The following CD226 variants were observed in gnomAD, a reference collection of about 807,000 sequenced individuals.
CD226 encodes the protein CD226 antigen.
In CD226, 24 loss-of-function variants were observed where a neutral mutation model predicts 34.9. The observed-to-expected ratio is 0.69, with a 90% confidence interval of 0.50 to 0.97. The LOEUF is 0.97. Among genes scored for constraint, CD226 ranks in the 50% least tolerant of loss-of-function variants. The pLI is 0.00. For missense variants in CD226, 397 were observed against 412.7 expected (o/e 0.96, Z 0.33); for synonymous variants, 148 against 147.4 (o/e 1.00, Z -0.03).
rs1182490699 is a variant in CD226 at position 69,861,029 on chromosome 18, A to C, written c.*3285T>G. The C allele has an allele frequency of 2.0e-5, 3 of 152,114 alleles. No homozygotes were observed. In the South Asian group the frequency reaches 6.2e-4, roughly 31 times the overall value. The allele number at this position is 152,114 out of a possible 1,614,324, so 9.4% of individuals were successfully genotyped here. On this transcript the variant is annotated 3_prime_UTR_variant, in exon 6 of 6. Transcript: ENST00000582621. ...TAGAAAACTACTGTTATACAGCTGT[A>C]ATTTTTACTTAATGCCATTCTATAC... is the stretch of plus-strand genomic sequence containing the variant.
intron 2 of CD226, among the ~76,000 whole-genome samples, chr18:69,904,895 C>T (rs17842598): frequency 0.031 from 4,734 of 152,292 alleles, 268 homozygotes; most frequent in African/African-American, 0.11. Context: ...TTAACACCAT[C>T]TCTAATGATT....
chr18:69,868,856 G>A (rs1402946670), intron 4 of CD226, among the ~76,000 whole-genome samples: 2 of 151,942 alleles, frequency 1.3e-5, no homozygotes, highest in Non-Finnish European at 2.9e-5. Context: ...AATAAGCCTG[G>A]AGCATACAAT....
Position 69,895,996 on chromosome 18 carries a change from A to G in CD226, c.432T>C (p.Pro144=). 6.2e-7 allele frequency: 1 copy of G among 1,613,482 alleles called. No homozygotes were observed. Among genetic ancestry groups the G allele is most frequent in the Non-Finnish European group, 8.5e-7 (1 of 1,179,978 alleles). ...GACAAGTGAGTGTGACATTCTTTCC[A>G]GGTTCCGAAACAATGTGGCTATTTG... ...VPSNSHIVSE[P]GKNVTLTCQP... The change falls in exon 3 of 6, where the codon CCT becomes CCC. Residue 144 remains proline, a synonymous_variant. Coordinates refer to ENST00000582621, the MANE Select transcript of CD226 (RefSeq NM_001303618.2).
chr18:69,901,655 A>G (rs368312921), intron 2 of CD226, among the ~76,000 whole-genome samples: 80 of 152,116 alleles, frequency 5.3e-4, no homozygotes, highest in Non-Finnish European at 7.5e-4. Flanking sequence ...CGAGGCAGGC[A>G]GATCACGAGG....
intron 2 of CD226, among the ~76,000 whole-genome samples, chr18:69,900,751 A>T (rs1204603931): frequency 6.6e-6 from 1 of 151,884 alleles, no homozygotes; most frequent in East Asian, 1.9e-4. Context: ...AAAAAAAAAA[A>T]AAAAATTTCT....
At chr18:69,903,312 T>A (rs561826765) in intron 2 of CD226, among the ~76,000 whole-genome samples, 2 of 152,162 alleles carry the variant, frequency 1.3e-5, no homozygotes, top group African/African-American at 2.4e-5. Context: ...GCCTCTTCCC[T>A]AGAACGCATC....
chr18:69,945,440 A>G (rs2055777345), intron 2 of CD226, among the ~76,000 whole-genome samples: 1 of 152,206 alleles, frequency 6.6e-6, no homozygotes, highest in Non-Finnish European at 1.5e-5. Context: ...GAAAGACAAA[A>G]CCACAATCTC....
intron 2 of CD226, among the ~76,000 whole-genome samples, chr18:69,898,297 C>T (rs1185592969): frequency 6.6e-6 from 1 of 152,234 alleles, no homozygotes; most frequent in Non-Finnish European, 1.5e-5. Context: ...TCAGTGCTCA[C>T]ACGCACAACT....
chr18:69,904,936 T>C (rs1400679855), intron 2 of CD226, among the ~76,000 whole-genome samples: 1 of 152,206 alleles, frequency 6.6e-6, no homozygotes, highest in African/African-American at 2.4e-5. Flanking sequence ...TTAGTGATGG[T>C]CCCTGGAGAC....
chr18:69,880,330 G>GAGAAAGAAAGAA (rs74175399), intron 3 of CD226, among the ~76,000 whole-genome samples: 1 of 134,860 alleles, frequency 7.4e-6, no homozygotes, highest in African/African-American at 2.9e-5. Flanking sequence ...AAAAGAAAGA[G>GAGAAAGAAAGAA]AGAAAGAAAG....
chr18:69,927,748 A>G (rs2055540646), intron 2 of CD226, among the ~76,000 whole-genome samples: 1 of 152,210 alleles, frequency 6.6e-6, no homozygotes, highest in Non-Finnish European at 1.5e-5. Context: ...TCCATTGTAT[A>G]TATTCTACAT....
At chr18:69,927,213 G>A (rs1451040353) in intron 2 of CD226, among the ~76,000 whole-genome samples, 7 of 152,154 alleles carry the variant, frequency 4.6e-5, no homozygotes, top group African/African-American at 1.7e-4. Flanking sequence ...CGTCTTGGAA[G>A]CAAAGAGCAA....
At chr18:69,880,272 G>GAGGGA (rs141556825) in intron 3 of CD226, among the ~76,000 whole-genome samples, 3 of 145,970 alleles carry the variant, frequency 2.1e-5, no homozygotes, top group African/African-American at 7.8e-5. Flanking sequence ...GAAGGAAGGG[G>GAGGGA]AGGGAAGGGA....
At chr18:69,950,714 C>G (rs911243273), upstream of CD226, among the ~76,000 whole-genome samples, 1 of 152,044 alleles carries the variant, frequency 6.6e-6, no homozygotes, top group African/African-American at 2.4e-5. Flanking sequence ...GAGATGGAAA[C>G]AGAAAGATGT....
At chr18:69,913,396 T>C (rs1191343919) in intron 2 of CD226, among the ~76,000 whole-genome samples, 1 of 152,224 alleles carries the variant, frequency 6.6e-6, no homozygotes, top group Non-Finnish European at 1.5e-5. Context: ...ATTTAAGCTT[T>C]TTATTTCTCA....
chr18:69,939,389 T>G (rs888600645), intron 2 of CD226, among the ~76,000 whole-genome samples: 1 of 152,240 alleles, frequency 6.6e-6, no homozygotes, highest in African/African-American at 2.4e-5. Flanking sequence ...GCTCTTTTCT[T>G]TCAACACAAA....
In CD226 at chr18:69,861,099, A is replaced by G. The variant is rs899943338; in HGVS notation, c.*3215T>C. ...GTTCACAATCCACGAATGCCTACTAAAAGTATTTTTACTTACTTTGTCTTT... is the reference window on the plus strand; with the variant it reads ...GTTCACAATCCACGAATGCCTACTAGAAGTATTTTTACTTACTTTGTCTTT... On this transcript the variant is annotated 3_prime_UTR_variant, in exon 6 of 6. Coordinates refer to ENST00000582621, the MANE Select transcript of CD226 (RefSeq NM_001303618.2). 1 of 152,082 alleles carries G rather than the reference A, an allele frequency of 6.6e-6. No individual in the cohort carries two copies. Among genetic ancestry groups the G allele is most frequent in the Non-Finnish European group, 1.5e-5 (1 of 67,948 alleles). 9.4% of individuals were successfully genotyped at this position (152,082 alleles called of 1,614,324 possible). A position where few individuals can be genotyped will look rare whatever the true frequency, so the allele number is the denominator to read the frequency against.
intron 3 of CD226, among the ~76,000 whole-genome samples, chr18:69,874,015 A>G (rs1239781899): frequency 2.0e-5 from 3 of 150,762 alleles, no homozygotes; most frequent in African/African-American, 7.5e-5. Context: ...TGGTAATGAT[A>G]CAAAAAATCA....
rs56118102 is a variant in CD226, at chr18:69,924,692, C to CAAAAA, written c.382+22037_382+22041dup. Among the ~76,000 whole-genome samples, 263 of 57,110 alleles carry CAAAAA rather than the reference C, an allele frequency of 4.6e-3. 55 individuals are homozygous for CAAAAA. In the Middle Eastern group the frequency reaches 0.083, roughly 18 times the overall value. 37.5% of individuals were successfully genotyped at this position (57,110 alleles called of 152,430 possible). ...GGCAACAGTAGGATGAAGGTATTGC[C>CAAAAA]AAAAAAAAAAAAAAAAAAAAGAATC... On this transcript the variant is annotated intron_variant, in intron 2 of 5. Coordinates refer to ENST00000582621, the MANE Select transcript of CD226 (RefSeq NM_001303618.2).
Sources: allele counts gnomAD v4.1 joint callset (sites outside exome capture counted in the v4.1 genomes callset), GRCh38; gene constraint gnomAD v4.1.1; transcripts MANE v1.5; gene names NCBI Gene and HGNC (gene_info 2026-07-23, HGNC 2026-07-21).